Variants in HSP90AA1 observed in about 807,000 individuals in gnomAD.
HSP90AA1 encodes heat shock protein 90 alpha family class A member 1, also known as heat shock protein HSP 90-alpha.
HSP90AA1 carries 18 observed loss-of-function variants against 73.3 expected under a neutral mutation model. The observed-to-expected ratio is 0.25, with a 90% CI of 0.17 to 0.36. The LOEUF is 0.36. Among genes scored for constraint, HSP90AA1 ranks in the 10% least tolerant of loss-of-function variants. HSP90AA1 has a pLI of 1.00. For synonymous variants in HSP90AA1, 477 were observed against 296.9 expected (o/e 1.61, Z -6.24); for missense variants, 704 against 874.2 (o/e 0.81, Z 2.45).
At position 102,083,172 on chromosome 14, in the gene HSP90AA1, C is replaced by A. The variant is rs758763954; in HGVS notation, c.1617G>T (p.Lys539Asn). The change falls in exon 9 of 11, where the codon AAG (lysine) becomes AAT (asparagine). Residue 539 changes from lysine (K) to asparagine (N), a missense_variant. Transcript: ENST00000216281. ...CTTCTTTGGTGACTGACACTAAAGT[C>A]TTCCCCTCAAATTCCTTCAGCTGTT... ...CVQQLKEFEG[K>N]TLVSVTKEGL... 1 of 1,613,996 alleles carries A rather than the reference C, an allele frequency of 6.2e-7. No individual in the cohort carries two copies. The highest frequency in any genetic ancestry group is 8.5e-7 in the Non-Finnish European group (1 of 1,179,916).
chr14:102,119,097 C>T (rs536169421), intron 1 of HSP90AA1, among the ~76,000 whole-genome samples: 1 of 152,148 alleles, frequency 6.6e-6, no homozygotes, highest in East Asian at 1.9e-4. Context: ...TCAAGCGATC[C>T]ACCCTCCTCG....
chr14:102,138,610 G>A (rs1429376277), intron 1 of HSP90AA1, among the ~76,000 whole-genome samples: 2 of 151,758 alleles, frequency 1.3e-5, no homozygotes, highest in Admixed American at 6.6e-5. Context: ...TTTTTAATAC[G>A]GAAGATGTTT....
chr14:102,133,095 C>A (rs939964427), intron 1 of HSP90AA1, among the ~76,000 whole-genome samples: 2 of 152,074 alleles, frequency 1.3e-5, no homozygotes, highest in African/African-American at 4.8e-5. Context: ...GCCTGGCCAA[C>A]ATGGTGAAAC....
chr14:102,095,407 C>T (rs1039394319), intron 2 of HSP90AA1, among the ~76,000 whole-genome samples: 9 of 152,138 alleles, frequency 5.9e-5, no homozygotes, highest in Non-Finnish European at 1.3e-4. Context: ...CCTAGCCTCC[C>T]TCCTGCGGAA....
At chr14:102,087,479 T>C (rs2152614326), upstream of HSP90AA1, among the ~76,000 whole-genome samples, 1 of 151,288 alleles carries the variant, frequency 6.6e-6, no homozygotes, top group African/African-American at 2.4e-5. Context: ...GGGGCCGGGG[T>C]GGGAGGCGCG....
exon 1 of HSP90AA1, chr14:102,139,415 CG>C: frequency 1.3e-6 from 2 of 1,542,318 alleles, no homozygotes; most frequent in Non-Finnish European, 8.7e-7. Flanking sequence ...CCGCGCTCCC[CG>C]TAGGGTACCC....
At chr14:102,120,998 TACACACACACAC>T (rs758133126) in intron 1 of HSP90AA1, among the ~76,000 whole-genome samples, 4 of 149,334 alleles carry the variant, frequency 2.7e-5, no homozygotes, top group African/African-American at 1.0e-4. Flanking sequence ...ATCTGCAACA[TACACACACACAC>T]ACACACACAC....
At chr14:102,090,133 C>G (rs2049334474), upstream of HSP90AA1, among the ~76,000 whole-genome samples, 1 of 152,374 alleles carries the variant, frequency 6.6e-6, no homozygotes, top group East Asian at 1.9e-4. Flanking sequence ...ATTTCTGTGT[C>G]TGGCGCACTC....
At chr14:102,087,950 T>C (rs866768871), upstream of HSP90AA1, among the ~76,000 whole-genome samples, 3,268 of 107,102 alleles carry the variant, frequency 0.031, 56 homozygotes, top group African/African-American at 0.083. Context: ...TTTTTTTTTT[T>C]CTTTTTTTTT....
intron 1 of HSP90AA1, among the ~76,000 whole-genome samples, chr14:102,131,223 T>C (rs1451720508): frequency 2.0e-5 from 3 of 152,244 alleles, no homozygotes; most frequent in Non-Finnish European, 4.4e-5. Flanking sequence ...TCTCTGTTAA[T>C]GGCATTTCCA....
Position 102,083,593 on chromosome 14 carries a change from T to C in HSP90AA1, c.1439A>G (p.Tyr480Cys), listed in dbSNP as rs541139783. The change falls in exon 8 of 11, where the codon TAC becomes TGC. Residue 480 changes from tyrosine (Y) to cysteine (C), a missense_variant. Physicochemically the swap from Tyr to Cys is radical, Grantham distance 194. Coordinates refer to ENST00000216281, the MANE Select transcript of HSP90AA1 (RefSeq NM_005348.4). Reference sequence around the variant, plus strand: ...CTGGTTCTCCTTCATTCTGGTGCAGTAGTCCTTGAGAGAAACCATCTCATC... The same window carrying C: ...CTGGTTCTCCTTCATTCTGGTGCAGCAGTCCTTGAGAGAAACCATCTCATC... ...SGDEMVSLKD[Y>C]CTRMKENQKH... 11 of 1,613,780 alleles carry C rather than the reference T, an allele frequency of 6.8e-6. No homozygotes were observed. The East Asian group carries it at 1.6e-4, about 23-fold the overall frequency.
At chr14:102,123,745 T>C (rs1366766958) in intron 1 of HSP90AA1, among the ~76,000 whole-genome samples, 2 of 152,116 alleles carry the variant, frequency 1.3e-5, no homozygotes, top group Non-Finnish European at 2.9e-5. Context: ...CCATTCACAC[T>C]GCAGTCAATG....
intron 2 of HSP90AA1, among the ~76,000 whole-genome samples, chr14:102,093,764 G>C (rs898693350): frequency 6.6e-6 from 1 of 151,922 alleles, no homozygotes; most frequent in Non-Finnish European, 1.5e-5. Context: ...CCTGAGGTCA[G>C]GAGTTAGAGA....
chr14:102,102,877 CAA>C (rs997062286), intron 1 of HSP90AA1, among the ~76,000 whole-genome samples: 1 of 151,760 alleles, frequency 6.6e-6, no homozygotes. Flanking sequence ...AAAAAAGAAA[CAA>C]AATAAAAAGA....
At chr14:102,126,381 G>A (rs2049838739) in intron 1 of HSP90AA1, among the ~76,000 whole-genome samples, 1 of 152,146 alleles carries the variant, frequency 6.6e-6, no homozygotes, top group African/African-American at 2.4e-5. Flanking sequence ...GAACAAACTA[G>A]AAATCCAATT....
intron 1 of HSP90AA1, chr14:102,139,159 T>G: frequency 2.0e-5 from 30 of 1,468,682 alleles, no homozygotes; most frequent in Non-Finnish European, 2.7e-5. Flanking sequence ...ATATCTGGCT[T>G]GAGAACACCT....
chr14:102,091,640 A>C (rs1476265548), upstream of HSP90AA1, among the ~76,000 whole-genome samples: 1 of 151,774 alleles, frequency 6.6e-6, no homozygotes, highest in Non-Finnish European at 1.5e-5. Context: ...ACAAACAAAC[A>C]AAAAAAGAGA....
rs1390465306 is a variant in HSP90AA1 at position 102,123,232 on chromosome 14, T to TAAATGC, written c.155+16017_155+16018insGCATTT. Among the ~76,000 whole-genome samples the TAAATGC allele has an allele frequency of 1.5e-3, 230 of 151,748 alleles. 1 individual carries two copies. The highest frequency in any genetic ancestry group is 5.5e-3 in the African/African-American group (228 of 41,402). ...CAAGATGGTGAAACCCCATTTCTAC[T>TAAATGC]AAAAATACAAAAAATTAGCCGAGCG... On this transcript the variant is annotated intron_variant, in intron 1 of 11. Coordinates refer to the HSP90AA1 transcript ENST00000334701.
chr14:102,128,800 TAAG>T (rs2049869394), intron 1 of HSP90AA1, among the ~76,000 whole-genome samples: 1 of 151,388 alleles, frequency 6.6e-6, no homozygotes, highest in South Asian at 2.1e-4. Context: ...CACTCCATCT[TAAG>T]AAAAAAGAAA....
Sources: allele counts gnomAD v4.1 joint callset (sites outside exome capture counted in the v4.1 genomes callset), GRCh38; gene constraint gnomAD v4.1.1; transcripts MANE v1.5; gene names NCBI Gene and HGNC (gene_info 2026-07-23, HGNC 2026-07-21).